Variants in CAMK2G observed in about 807,000 individuals in gnomAD.
CAMK2G encodes the protein calcium/calmodulin-dependent protein kinase type II subunit gamma.
Under a neutral mutation model 88.7 loss-of-function variants are expected in CAMK2G, and 23 were observed. The ratio of observed to expected loss-of-function variants is 0.26; its 90% confidence interval spans 0.19 to 0.37. The LOEUF (loss-of-function observed/expected upper bound fraction) is 0.37, where lower values mean the gene tolerates loss of function less well. Among genes scored for constraint, CAMK2G ranks in the 10% least tolerant of loss-of-function variants. The probability of loss-of-function intolerance (pLI) is 1.00; values close to 1 mark genes in which losing one functional copy is unlikely to be tolerated. For synonymous variants in CAMK2G, 263 were observed against 294.8 expected, an observed-to-expected ratio of 0.89 and a Z score of 1.11; for missense variants, 476 against 780.8, an observed-to-expected ratio of 0.61 and a Z score of 4.65.
intron 4 of CAMK2G, 59 bp downstream of exon 4, chr10:73,853,133 C>A (rs373874235): frequency 2.0e-5 from 30 of 1,511,728 alleles, no homozygotes; most frequent in African/African-American, 1.1e-4. Context: ...TCTTCCTGAG[C>A]CTTCATTTTG....
intron 2 of CAMK2G, 111 bp from the exon 3 acceptor site, chr10:73,861,000 T>C: frequency 1.3e-6 from 1 of 756,690 alleles, no homozygotes; most frequent in Non-Finnish European, 2.4e-6. Context: ...TGTGATGATT[T>C]GCTGAAGTAA....
rs192295231 is a variant in CAMK2G at position 73,834,298 on chromosome 10, G to A, written c.1053+3170C>T. Reference sequence around the variant, plus strand: ...TAACCCCTCCCATCACAACGGCTGCGAATACGCGGTTGGCCTTTTAATTTT... The same window carrying A: ...TAACCCCTCCCATCACAACGGCTGCAAATACGCGGTTGGCCTTTTAATTTT... On this transcript the variant is annotated intron_variant, in intron 14 of 22. Transcript: ENST00000423381. Among the ~76,000 whole-genome samples, 31 of 152,300 alleles carry A rather than the reference G, an allele frequency of 2.0e-4. 2 individuals carry two copies. In the East Asian group the frequency reaches 5.0e-3, roughly 25 times the overall value.
rs962856868 is a variant in CAMK2G at position 73,848,450 on chromosome 10, C to T, written c.601+76G>A. 1.1e-5 allele frequency: 10 copies of T among 937,872 alleles called. No individual in the cohort carries two copies. Among genetic ancestry groups the T allele is most frequent in the African/African-American group, 1.6e-5 (1 of 61,882 alleles). 58.1% of individuals were successfully genotyped at this position (937,872 alleles called of 1,614,324 possible). On this transcript the variant is annotated intron_variant, in intron 8 of 22. Coordinates refer to ENST00000423381, the MANE Select transcript of CAMK2G (RefSeq NM_001367534.1). This position sits in a 1 kb window ranked among gnomAD's most constrained non-coding sequence, Gnocchi z 4.5. ...CACGTGTGTGACCTGCAAGGAATAG[C>T]GATGCCTCTTTCTTGCCATCATCGG...
chr10:73,830,602 T>C (rs1407895493), intron 14 of CAMK2G, among the ~76,000 whole-genome samples: 1 of 152,242 alleles, frequency 6.6e-6, no homozygotes, highest in African/African-American at 2.4e-5. Flanking sequence ...TCGTTTTTCT[T>C]GCTTGCTTTC....
At position 73,842,520 on chromosome 10, in the gene CAMK2G, TG is replaced by T; in HGVS notation, c.840del (p.Met281Ter). ...PWVCQRSTVA[S>X]MMHRQETVEC... The stretch of plus-strand genomic sequence containing the variant: ...TCCACAGTCTCCTGACGATGCATCA[TG>T]GATGCCACCGTGGATCGTTGCTAGA... On this transcript the variant is annotated frameshift_variant, in exon 11 of 23. Transcript: ENST00000423381. LOFTEE classifies it high-confidence loss of function. This position sits in a 1 kb window ranked among gnomAD's most constrained non-coding sequence, Gnocchi z 4.6. 6.2e-7 allele frequency: 1 copy of T among 1,613,272 alleles called. No individual in the cohort carries two copies. Among genetic ancestry groups the T allele is most frequent in the Non-Finnish European group, 8.5e-7 (1 of 1,179,232 alleles).
intron 2 of CAMK2G, among the ~76,000 whole-genome samples, chr10:73,864,068 G>A (rs1177021721): frequency 4.6e-5 from 7 of 152,216 alleles, no homozygotes; most frequent in African/African-American, 1.4e-4. Context: ...ATCGTGGCTG[G>A]GCGCGGTGGG....
chr10:73,821,921 C>T (rs145257433), intron 17 of CAMK2G, among the ~76,000 whole-genome samples, 191 bp from the exon 18 acceptor site: 56 of 152,316 alleles, frequency 3.7e-4, no homozygotes, highest in African/African-American at 1.3e-3. Flanking sequence ...GTAAATGCCA[C>T]CATCTACCCA....
chr10:73,847,988 A>G lies in CAMK2G; in HGVS notation c.696T>C (p.Asp232=), dbSNP rs1363553603. ...GGCTGCCCGGCTCTCTGGTCCTTAC[A>G]TCATAGGCTCCAGCCTTGATCTGCT... ...LYQQIKAGAY[D]FPSPEWDTVT... The change falls in exon 9 of 23, where the codon GAT becomes GAC. Residue 232 remains aspartate (D), a splice_region_variant and synonymous_variant. Coordinates refer to ENST00000423381, the MANE Select transcript of CAMK2G (RefSeq NM_001367534.1). 3 of 1,596,766 alleles carry G rather than the reference A, an allele frequency of 1.9e-6. No individual in the cohort carries two copies. Among genetic ancestry groups the G allele is most frequent in the South Asian group, 1.1e-5 (1 of 90,730 alleles).
At chr10:73,836,482 C>T (rs575387098) in intron 14 of CAMK2G, among the ~76,000 whole-genome samples, 5 of 152,320 alleles carry the variant, frequency 3.3e-5, no homozygotes, top group South Asian at 2.1e-4. Flanking sequence ...GGGGACCGCA[C>T]GATGCCCCCA....
chr10:73,871,873 A>G (rs1348827222), intron 2 of CAMK2G, among the ~76,000 whole-genome samples: 1 of 152,176 alleles, frequency 6.6e-6, no homozygotes, highest in East Asian at 1.9e-4. Context: ...AACACGACAG[A>G]AGCCCGTGGA....
chr10:73,872,683 G>C (rs374541164), intron 2 of CAMK2G, among the ~76,000 whole-genome samples: 1 of 152,124 alleles, frequency 6.6e-6, no homozygotes. Flanking sequence ...CAAATTAAGA[G>C]CTCCCCATTC....
At chr10:73,846,306 C>T (rs1449428972) in intron 10 of CAMK2G, 1 of 152,204 alleles carries the variant, frequency 6.6e-6, no homozygotes. Flanking sequence ...TTTCCCATAA[C>T]CTCTCACTGT....
At position 73,813,936 on chromosome 10, in the gene CAMK2G, T is replaced by C. The variant is rs1399184588; in HGVS notation, c.*582A>G. 1 of 152,736 alleles carries C rather than the reference T, an allele frequency of 6.5e-6. No homozygotes were observed. Among genetic ancestry groups the C allele is most frequent in the Admixed American group, 6.5e-5 (1 of 15,282 alleles). The allele number at this position is 152,736 out of a possible 1,614,324, so 9.5% of individuals were successfully genotyped here. ...TGCCTCCACAGCAGGCTGGGAGCTC[T>C]GCGTTCTCTCCCAAGTAGGTCTGAT... On this transcript the variant is annotated 3_prime_UTR_variant, in exon 23 of 23. Transcript: ENST00000423381.
chr10:73,869,355 G>T (rs2095717852), intron 2 of CAMK2G, among the ~76,000 whole-genome samples: 1 of 152,178 alleles, frequency 6.6e-6, no homozygotes, highest in African/African-American at 2.4e-5. Context: ...AGGGAAGGAG[G>T]AATCATCAGC....
At position 73,849,029 on chromosome 10, in the gene CAMK2G, C is replaced by T. The variant is rs755628401; in HGVS notation, c.501G>A (p.Glu167=). The part of the protein sequence containing the change: ...DFGLAIEVQG[E]QQAWFGFAGT... ...CACCCTTACCAAACCAAGCCTGCTGCTCTCCCTGTACTTCGATGGCTAGGC... is the reference window on the plus strand; with the variant it reads ...CACCCTTACCAAACCAAGCCTGCTGTTCTCCCTGTACTTCGATGGCTAGGC... Residue 167 remains glutamate (E), a synonymous_variant, in exon 7 of 23, where the codon GAG becomes GAA. Transcript: ENST00000423381. 1 of 1,611,066 alleles carries T rather than the reference C, an allele frequency of 6.2e-7. No individual in the cohort carries two copies. The highest frequency in any genetic ancestry group is 8.5e-7 in the Non-Finnish European group (1 of 1,177,212).
chr10:73,852,949 C>T (rs528572402), intron 4 of CAMK2G: 37 of 565,604 alleles, frequency 6.5e-5, no homozygotes, highest in Admixed American at 9.6e-5. Context: ...CTGTGCAAGG[C>T]GTGCTGCTGA....
rs1194081876 is a variant in CAMK2G at position 73,812,798 on chromosome 10, A to T, written c.*1720T>A. 2 of 152,702 alleles carry T rather than the reference A, an allele frequency of 1.3e-5. No homozygotes were observed. Among genetic ancestry groups the T allele is most frequent in the Non-Finnish European group, 2.9e-5 (2 of 68,050 alleles). The allele number at this position is 152,702 out of a possible 1,614,324, so 9.5% of individuals were successfully genotyped here. On this transcript the variant is annotated 3_prime_UTR_variant, in exon 23 of 23. Coordinates refer to ENST00000423381, the MANE Select transcript of CAMK2G (RefSeq NM_001367534.1). ...TGAATTCTAAGACCATTTGTCTTCA[A>T]GCCAGCAAAACGAAACCCTGTGGTG... is the stretch of plus-strand genomic sequence containing the variant.
intron 21 of CAMK2G, among the ~76,000 whole-genome samples, chr10:73,815,557 T>C (rs1393538871): frequency 6.6e-6 from 1 of 152,184 alleles, no homozygotes; most frequent in Non-Finnish European, 1.5e-5. Flanking sequence ...ATTTTCTTCA[T>C]TATAAGATGA....
chr10:73,869,983 G>C (rs1280397788), intron 2 of CAMK2G, among the ~76,000 whole-genome samples: 1 of 152,174 alleles, frequency 6.6e-6, no homozygotes, highest in African/African-American at 2.4e-5. Context: ...CCCTTCAACT[G>C]TAGTAATATG....
Sources: allele counts gnomAD v4.1 joint callset (sites outside exome capture counted in the v4.1 genomes callset), GRCh38; gene constraint gnomAD v4.1.1; non-coding constraint Gnocchi (gnomAD v3.1); transcripts MANE v1.5; gene names NCBI Gene and HGNC (gene_info 2026-07-23, HGNC 2026-07-21).